PDE10A: variants seen among roughly 807,000 people sequenced by gnomAD.
PDE10A encodes phosphodiesterase 10A.
A neutral mutation model predicts 97.7 loss-of-function variants in PDE10A; 39 were observed. The ratio of observed to expected loss-of-function variants is 0.40; its 90% CI spans 0.31 to 0.52. The LOEUF (loss-of-function observed/expected upper bound fraction) is 0.52. PDE10A is among the 20% of genes least tolerant of loss of function. The probability of loss-of-function intolerance (pLI) is 0.56; values close to 1 mark genes in which losing one functional copy is unlikely to be tolerated. For missense variants in PDE10A, 731 were observed against 1,047.8 expected (o/e 0.70, Z 4.17); for synonymous variants, 371 against 376.8 (o/e 0.98, Z 0.18).
chr6:165,333,747 T>A (rs1050329613), intron 21 of PDE10A, among the ~76,000 whole-genome samples: 4 of 152,146 alleles, frequency 2.6e-5, no homozygotes, highest in African/African-American at 9.7e-5. Context: ...TCTCTCTCAG[T>A]GTCTGTGGTT....
chr6:165,565,881 G>T (rs1285233362), intron 1 of PDE10A, among the ~76,000 whole-genome samples: 1 of 152,118 alleles, frequency 6.6e-6, no homozygotes, highest in Non-Finnish European at 1.5e-5. Flanking sequence ...ACAGCCTCAT[G>T]ATAGAAAATG....
chr6:165,834,502 AG>A (rs1206404940), intron 1 of PDE10A, among the ~76,000 whole-genome samples: 4 of 152,192 alleles, frequency 2.6e-5, no homozygotes, highest in Non-Finnish European at 5.9e-5. Flanking sequence ...AGGTGTGTTC[AG>A]TTTAGTGGAA....
intron 1 of PDE10A, among the ~76,000 whole-genome samples, chr6:165,972,301 C>T (rs1260818974): frequency 1.3e-5 from 2 of 151,850 alleles, no homozygotes; most frequent in Admixed American, 1.3e-4. Flanking sequence ...GGGTGGCCAC[C>T]TGCGCAGGTG....
intron 15 of PDE10A, 60 bp downstream of exon 15, chr6:165,395,121 A>G (rs1467109388): frequency 2.0e-6 from 2 of 1,006,082 alleles, no homozygotes; most frequent in African/African-American, 1.6e-5. Flanking sequence ...ATATATGTAG[A>G]AGGAGGAAGA....
intron 1 of PDE10A, among the ~76,000 whole-genome samples, chr6:165,701,786 T>C (rs536137823): frequency 6.6e-6 from 1 of 151,798 alleles, no homozygotes; most frequent in East Asian, 1.9e-4. Flanking sequence ...CGTGTGTGTG[T>C]GTGCATGTGT....
At chr6:165,449,462 T>C (rs1562478172) in intron 4 of PDE10A, among the ~76,000 whole-genome samples, 1 of 152,146 alleles carries the variant, frequency 6.6e-6, no homozygotes, top group East Asian at 1.9e-4. Context: ...GCAACTATAA[T>C]AGTTAATAGC....
chr6:165,853,994 C>T (rs1478931512), intron 1 of PDE10A, among the ~76,000 whole-genome samples: 1 of 152,144 alleles, frequency 6.6e-6, no homozygotes, highest in Non-Finnish European at 1.5e-5. Context: ...GGCTAGAAGA[C>T]GCAGAGGCTT....
intron 1 of PDE10A, among the ~76,000 whole-genome samples, chr6:165,708,275 G>A (rs1314591430): frequency 6.6e-6 from 1 of 152,094 alleles, no homozygotes; most frequent in Non-Finnish European, 1.5e-5. Context: ...CTCCTGGAGA[G>A]GCTTCCTGGC....
intron 1 of PDE10A, among the ~76,000 whole-genome samples, chr6:165,786,480 T>C (rs933798993): frequency 6.6e-6 from 1 of 152,258 alleles, no homozygotes; most frequent in African/African-American, 2.4e-5. Context: ...TAAATGTACC[T>C]GTGAGGGGTA....
intron 1 of PDE10A, among the ~76,000 whole-genome samples, chr6:165,899,251 GAAAAGATACTTCTGGTAGCAACTT>G (rs1271346717): frequency 1.3e-5 from 2 of 152,188 alleles, no homozygotes; most frequent in Admixed American, 1.3e-4. Flanking sequence ...TCAACTTAAA[GAAAAGATACTTCTGGTAGCAACTT>G]AAAAGATACT....
chr6:165,534,720 T>C (rs981780283), intron 2 of PDE10A, among the ~76,000 whole-genome samples: 1 of 152,048 alleles, frequency 6.6e-6, no homozygotes, highest in Non-Finnish European at 1.5e-5. Flanking sequence ...GAATAGATGC[T>C]GAAAAAGCAT....
chr6:165,384,690 G>T (rs1380148722), intron 17 of PDE10A, among the ~76,000 whole-genome samples: 1 of 141,164 alleles, frequency 7.1e-6, no homozygotes, highest in East Asian at 2.1e-4. Flanking sequence ...GCGACTAAAG[G>T]TTAGCTTTTC....
intron 1 of PDE10A, among the ~76,000 whole-genome samples, chr6:165,571,414 T>C (rs1785044555): frequency 6.6e-6 from 1 of 152,218 alleles, no homozygotes; most frequent in Non-Finnish European, 1.5e-5. Flanking sequence ...CACTTAGGCA[T>C]CATCAATGAG....
At chr6:165,398,478 ACTCT>A (rs61614769) in intron 13 of PDE10A, among the ~76,000 whole-genome samples, 25 of 139,318 alleles carry the variant, frequency 1.8e-4, no homozygotes, top group Admixed American at 8.7e-4. Flanking sequence ...ATAGAGCAAG[ACTCT>A]CTCTCTCTCT....
In PDE10A at chr6:165,747,792, A is replaced by G. The variant is rs1054806359; in HGVS notation, c.-614-204224T>C. Among the ~76,000 whole-genome samples the G allele has an allele frequency of 5.3e-5, 8 of 152,210 alleles. No homozygotes were observed. In the East Asian group the frequency reaches 1.3e-3, roughly 26 times the overall value. The stretch of plus-strand genomic sequence containing the variant: ...AAGGTCCAGGCAGAAGCCCACAGGC[A>G]GACGGAGGGAAGGAGGAGGGGGTTT... On this transcript the variant is annotated intron_variant, in intron 1 of 19. Transcript: ENST00000366882.
chr6:165,634,119 G>A (rs767309319), intron 1 of PDE10A, among the ~76,000 whole-genome samples: 1 of 152,126 alleles, frequency 6.6e-6, no homozygotes, highest in Non-Finnish European at 1.5e-5. Context: ...GTTTCAGTGC[G>A]TCTGGGGTAG....
At chr6:165,613,958 G>C (rs764318014) in intron 1 of PDE10A, among the ~76,000 whole-genome samples, 14 of 152,094 alleles carry the variant, frequency 9.2e-5, no homozygotes, top group African/African-American at 3.1e-4. Flanking sequence ...TGACAGTCAC[G>C]CATCATTCAC....
chr6:165,622,959 C>T (rs1436813596), intron 1 of PDE10A, among the ~76,000 whole-genome samples: 1 of 152,026 alleles, frequency 6.6e-6, no homozygotes, highest in Non-Finnish European at 1.5e-5. Flanking sequence ...TGTGGCTCCT[C>T]CCCCCACCCT....
chr6:165,961,402 C>G (rs920199814), intron 1 of PDE10A, among the ~76,000 whole-genome samples: 3 of 152,174 alleles, frequency 2.0e-5, no homozygotes, highest in African/African-American at 4.8e-5. Flanking sequence ...GGATGAAATG[C>G]GATCATGTGG....
Sources: allele counts gnomAD v4.1 joint callset (sites outside exome capture counted in the v4.1 genomes callset), GRCh38; gene constraint gnomAD v4.1.1; transcripts MANE v1.5; gene names NCBI Gene and HGNC (gene_info 2026-07-23, HGNC 2026-07-21).